AXDND1: variants seen among roughly 807,000 people sequenced by gnomAD.
The protein encoded by AXDND1 is axonemal dynein light chain domain-containing protein 1.
Under a neutral mutation model 137.5 loss-of-function variants are expected in AXDND1, and 110 were observed. That is an observed-to-expected ratio of 0.80 (90% CI 0.69 to 0.94). The LOEUF is 0.94. Ranked by LOEUF, AXDND1 falls within the 40% of genes least tolerant of loss-of-function variation. AXDND1 has a pLI of 0.00. For missense variants in AXDND1, 1,191 were observed against 1,169.8 expected, an observed-to-expected ratio of 1.02 and a Z score of -0.26; for synonymous variants, 414 against 399.7, an observed-to-expected ratio of 1.04 and a Z score of -0.43.
intron 12 of AXDND1, among the ~76,000 whole-genome samples, chr1:179,417,966 TTTTA>T (rs1231360690): frequency 5.3e-5 from 8 of 150,788 alleles, no homozygotes; most frequent in Admixed American, 1.3e-4. Context: ...GCTATTTTAT[TTTTA>T]TTTATTTATT....
rs200482683 is a variant in AXDND1, at chr1:179,552,608, C to T, written c.3032-1904C>T. ...TGGGAGGATGGAGTGCTCACCCGCA[C>T]TTTGGCTTGTCTTTGCGCTTCAGCC... On this transcript the variant is annotated intron_variant, in intron 25 of 25. Coordinates refer to ENST00000367618, the MANE Select transcript of AXDND1 (RefSeq NM_144696.6). 239 of 1,613,552 alleles carry T rather than the reference C, an allele frequency of 1.5e-4. No individual in the cohort carries two copies. Among genetic ancestry groups the T allele is most frequent in the Middle Eastern group, 6.6e-4 (4 of 6,082 alleles).
chr1:179,394,209 G>A (rs1650654117), intron 10 of AXDND1, among the ~76,000 whole-genome samples, 166 bp downstream of exon 10: 1 of 152,146 alleles, frequency 6.6e-6, no homozygotes, highest in African/African-American at 2.4e-5. Context: ...TGTAGATATA[G>A]ATATAGATAA....
At chr1:179,533,767 C>G in intron 23 of AXDND1, 28 bp from the exon 24 acceptor site, 1 of 1,506,540 alleles carries the variant, frequency 6.6e-7, no homozygotes. Flanking sequence ...ACTGTCAGTT[C>G]ATTCATATCT....
intron 24 of AXDND1, 68 bp downstream of exon 24, chr1:179,533,945 C>A: frequency 7.0e-7 from 1 of 1,420,736 alleles, no homozygotes; most frequent in Non-Finnish European, 9.9e-7. Flanking sequence ...CTGAGAAATT[C>A]ACACTTTTTG....
intron 9 of AXDND1, among the ~76,000 whole-genome samples, chr1:179,391,686 A>G (rs927747425): frequency 6.6e-6 from 1 of 151,754 alleles, no homozygotes; most frequent in Admixed American, 6.6e-5. Context: ...ACAAGTATGC[A>G]TTACCATGCC....
intron 17 of AXDND1, among the ~76,000 whole-genome samples, chr1:179,478,627 G>A (rs1157079943): frequency 2.0e-5 from 3 of 152,292 alleles, no homozygotes; most frequent in Admixed American, 6.5e-5. Flanking sequence ...TGCCCCAAAC[G>A]TCTCTGACAT....
At position 179,384,382 on chromosome 1, in the gene AXDND1, A is replaced by G. The variant is rs1006190839; in HGVS notation, c.741+838A>G. On this transcript the variant is annotated intron_variant, in intron 8 of 25. Transcript: ENST00000367618. ...CAAGGACATTCTCTTATATATCCAT[A>G]ATATAGTTATCAGGAAATTTAATGT... is the stretch of plus-strand genomic sequence containing the variant. Among the ~76,000 whole-genome samples, 26 of 152,164 alleles carry G rather than the reference A, an allele frequency of 1.7e-4. 2 individuals carry two copies.
chr1:179,549,480 C>A (rs891325406), intron 25 of AXDND1, among the ~76,000 whole-genome samples: 1 of 152,132 alleles, frequency 6.6e-6, no homozygotes, highest in Non-Finnish European at 1.5e-5. Flanking sequence ...ATAGGAGATA[C>A]CATAGGCACT....
rs569793248 is a variant in AXDND1 at position 179,395,401 on chromosome 1, G to A, written c.1109+199G>A. Among the ~76,000 whole-genome samples, 14 of 152,236 alleles carry A rather than the reference G, an allele frequency of 9.2e-5. No individual in the cohort carries two copies. The South Asian group carries it at 1.2e-3, about 14-fold the overall frequency. ...TGATTTTTTCTCTTGGAGATAGACC[G>A]TTGCTTTCTGCATTAATCATTTTCA... is the stretch of plus-strand genomic sequence containing the variant. On this transcript the variant is annotated intron_variant, in intron 11 of 25. Coordinates refer to ENST00000367618, the MANE Select transcript of AXDND1 (RefSeq NM_144696.6).
intron 12 of AXDND1, 120 bp from the exon 13 acceptor site, chr1:179,429,398 A>T: frequency 1.9e-6 from 1 of 513,666 alleles, no homozygotes; most frequent in East Asian, 3.5e-5. Flanking sequence ...TAATGATTTA[A>T]ACGAGAAATT....
chr1:179,376,614 G>A (rs953630157), intron 4 of AXDND1, among the ~76,000 whole-genome samples: 1 of 152,120 alleles, frequency 6.6e-6, no homozygotes, highest in Non-Finnish European at 1.5e-5. Flanking sequence ...AATTGTTACT[G>A]CTTCCCGAAG....
intron 8 of AXDND1, among the ~76,000 whole-genome samples, chr1:179,384,189 C>T (rs1648830594): frequency 6.6e-6 from 1 of 152,102 alleles, no homozygotes; most frequent in Non-Finnish European, 1.5e-5. Flanking sequence ...TGCTATGTAA[C>T]CTTTACCCGG....
chr1:179,402,449 C>G (rs1329056538), intron 11 of AXDND1, among the ~76,000 whole-genome samples: 4 of 152,152 alleles, frequency 2.6e-5, no homozygotes, highest in African/African-American at 9.7e-5. Flanking sequence ...CATCTATCCA[C>G]CCACCTGCAT....
In AXDND1 at chr1:179,483,129, G is replaced by A; in HGVS notation, c.1999G>A (p.Val667Ile). The A allele has an allele frequency of 1.3e-6, 2 of 1,577,290 alleles. No homozygotes were observed. The highest frequency in any genetic ancestry group is 1.2e-5 in the South Asian group (1 of 85,278). The change falls in exon 18 of 26, where the codon GTA (valine) becomes ATA (isoleucine). Residue 667 changes from valine (V) to isoleucine (I), a missense_variant and splice_region_variant. Physicochemically the swap from Val to Ile is conservative, Grantham distance 29. Coordinates refer to ENST00000367618, the MANE Select transcript of AXDND1 (RefSeq NM_144696.6). ...PQHIDVDSVSVLQAYIFNMIQ... is the reference protein window; with the variant it reads ...PQHIDVDSVSILQAYIFNMIQ... ...TATTTTACTTGATTTTTCCTTCAGG[G>A]TACTCCAAGCGTATATATTTAACAT... is the stretch of plus-strand genomic sequence containing the variant.
Position 179,429,625 on chromosome 1 carries a change from G to C in AXDND1, c.1332+6G>C. On this transcript the variant is annotated splice_donor_region_variant and intron_variant, in intron 13 of 25. Transcript: ENST00000367618. ...TCATACTGCTATCAAACAAGGTAAA[G>C]GTCAATTATCTTCAGTTATGGGAAA... 1 of 1,518,282 alleles carries C rather than the reference G, an allele frequency of 6.6e-7. No homozygotes were observed. Among genetic ancestry groups the C allele is most frequent in the South Asian group, 1.3e-5 (1 of 78,732 alleles). The allele number at this position is 1,518,282 out of a possible 1,614,324, so 94.1% of individuals were successfully genotyped here.
intron 17 of AXDND1, among the ~76,000 whole-genome samples, chr1:179,481,865 T>C (rs1665436367): frequency 6.6e-6 from 1 of 152,216 alleles, no homozygotes. Context: ...GAATAATTCC[T>C]GAGATCAGTG....
At chr1:179,371,621 T>C (rs528833709) in intron 4 of AXDND1, among the ~76,000 whole-genome samples, 23 of 152,148 alleles carry the variant, frequency 1.5e-4, no homozygotes, top group Admixed American at 4.6e-4. Flanking sequence ...AGTAAGGACA[T>C]TGAAATGGAT....
At chr1:179,546,528 C>T (rs767446423) in intron 25 of AXDND1, among the ~76,000 whole-genome samples, 24 of 152,022 alleles carry the variant, frequency 1.6e-4, no homozygotes, top group Non-Finnish European at 3.2e-4. Flanking sequence ...GTCAGGCTGC[C>T]GAGTGAGGCT....
At chr1:179,541,650 A>ATGT (rs200340046) in intron 25 of AXDND1, among the ~76,000 whole-genome samples, 47,375 of 150,540 alleles carry the variant, frequency 0.31, 8,133 homozygotes, top group Middle Eastern at 0.43. Flanking sequence ...TAATATATGC[A>ATGT]TAATATATGC....
Sources: allele counts gnomAD v4.1 joint callset (sites outside exome capture counted in the v4.1 genomes callset), GRCh38; gene constraint gnomAD v4.1.1; transcripts MANE v1.5; gene names NCBI Gene and HGNC (gene_info 2026-07-23, HGNC 2026-07-21).